The following CACNA1C variants were observed in gnomAD, a reference collection of about 807,000 sequenced individuals.
The protein encoded by CACNA1C is voltage-dependent L-type calcium channel subunit alpha-1C.
A neutral mutation model predicts 229.0 loss-of-function variants in CACNA1C; 30 were observed. The ratio of observed to expected loss-of-function variants is 0.13; its 90% CI spans 0.10 to 0.18. The LOEUF (loss-of-function observed/expected upper bound fraction) is 0.18, where lower values mean the gene tolerates loss of function less well. CACNA1C is among the 10% of genes least tolerant of loss of function. The pLI is 1.00. For missense variants in CACNA1C, 1,658 were observed against 2,845.0 expected (o/e 0.58, Z 9.49); for synonymous variants, 1,114 against 1,132.5 (o/e 0.98, Z 0.33).
chr12:2,121,460 T>A (rs2086684533), intron 3 of CACNA1C, among the ~76,000 whole-genome samples: 1 of 152,258 alleles, frequency 6.6e-6, no homozygotes, highest in African/African-American at 2.4e-5. Context: ...TTTTAACTTC[T>A]CAGCTGTCGC....
At position 2,437,183 on chromosome 12, in the gene CACNA1C, A is replaced by G. The variant is rs548512904; in HGVS notation, c.478-11793A>G. On this transcript the variant is annotated intron_variant, in intron 3 of 46. Coordinates refer to ENST00000399655, the MANE Select transcript of CACNA1C (RefSeq NM_000719.7). ...GCTGGGTTACACCAGTGGTGGGTTCATAGCCAGTGGTGCTCCTCATAAGGT... is the reference window on the plus strand; with the variant it reads ...GCTGGGTTACACCAGTGGTGGGTTCGTAGCCAGTGGTGCTCCTCATAAGGT... 1.4e-3 allele frequency among the ~76,000 whole-genome samples: 208 copies of G among 152,366 alleles called. 2 individuals are homozygous for G. Among genetic ancestry groups the G allele is most frequent in the African/African-American group, 4.8e-3 (199 of 41,592 alleles).
At chr12:2,673,598 T>C (rs561755520) in intron 38 of CACNA1C, among the ~76,000 whole-genome samples, 1 of 152,176 alleles carries the variant, frequency 6.6e-6, no homozygotes, top group Admixed American at 6.5e-5. Flanking sequence ...TTCTGGAGGC[T>C]CTGGGGGAGA....
chr12:2,187,194 T>C (rs1010254406), intron 3 of CACNA1C, among the ~76,000 whole-genome samples: 10 of 152,198 alleles, frequency 6.6e-5, no homozygotes, highest in African/African-American at 2.2e-4. Flanking sequence ...ATTTTCTGTC[T>C]TATGGTTGGG....
intron 3 of CACNA1C, among the ~76,000 whole-genome samples, chr12:2,294,720 A>G (rs1244517580): frequency 6.6e-6 from 1 of 152,160 alleles, no homozygotes. Flanking sequence ...AATATGTAAC[A>G]TGTCGCCTCA....
At chr12:2,619,497 T>G (rs1407131820) in intron 29 of CACNA1C, among the ~76,000 whole-genome samples, 2 of 152,260 alleles carry the variant, frequency 1.3e-5, no homozygotes, top group African/African-American at 4.8e-5. Flanking sequence ...CCCTTCAGTC[T>G]GATTTCTGTC....
rs374008647 is a variant in CACNA1C, at chr12:2,067,246, G to T, written c.49+13635G>T. ...ATGCATCGTTTTAGTGGGAGTCAGG[G>T]AGTCTGAATCCCCCAGCCTGCCTCC... is the stretch of plus-strand genomic sequence containing the variant. On this transcript the variant is annotated intron_variant, in intron 1 of 46. Coordinates refer to ENST00000399655, the MANE Select transcript of CACNA1C (RefSeq NM_000719.7). The surrounding 1 kb of genome is among the most constrained non-coding windows in gnomAD (Gnocchi z 5.3). 3.2e-3 allele frequency among the ~76,000 whole-genome samples: 487 copies of T among 152,220 alleles called. 4 individuals are homozygous for T. The highest frequency in any genetic ancestry group is 0.011 in the African/African-American group (469 of 41,518).
intron 3 of CACNA1C, among the ~76,000 whole-genome samples, chr12:2,421,472 G>A (rs2098978643): frequency 6.6e-6 from 1 of 152,202 alleles, no homozygotes; most frequent in South Asian, 2.1e-4. Context: ...AGTTATCTGA[G>A]AGGAACATCC....
Position 2,487,900 on chromosome 12 carries a change from T to C in CACNA1C, c.916+1638T>C, listed in dbSNP as rs74053455. On this transcript the variant is annotated intron_variant, in intron 6 of 46. Transcript: ENST00000399655. ...AATTGTGTGGCCCTGTGAGAGCTCA[T>C]TTTAAGACTCCTTAAAAACTGACTG... is the stretch of plus-strand genomic sequence containing the variant. 7.6e-3 allele frequency among the ~76,000 whole-genome samples: 1,162 copies of C among 152,288 alleles called. 11 individuals are homozygous for C. Among genetic ancestry groups the C allele is most frequent in the African/African-American group, 0.025 (1,054 of 41,526 alleles).
intron 1 of CACNA1C, among the ~76,000 whole-genome samples, chr12:2,084,627 C>T (rs1358114419): frequency 6.6e-6 from 1 of 152,180 alleles, no homozygotes; most frequent in Non-Finnish European, 1.5e-5. Context: ...GGACACAGGG[C>T]TTCAGCTGTG....
At chr12:2,533,685 G>GCTA (rs2099846321) in intron 9 of CACNA1C, among the ~76,000 whole-genome samples, 1 of 152,162 alleles carries the variant, frequency 6.6e-6, no homozygotes, top group African/African-American at 2.4e-5. Flanking sequence ...CTGCCAGGTG[G>GCTA]GGCTAGGGCA....
At chr12:2,491,616 A>AG (rs2099734635) in intron 6 of CACNA1C, among the ~76,000 whole-genome samples, 1 of 150,906 alleles carries the variant, frequency 6.6e-6, no homozygotes, top group African/African-American at 2.4e-5. Context: ...TGGGAGAGAA[A>AG]GAGAGGAGAG....
chr12:2,365,146 G>A (rs993816003), intron 3 of CACNA1C, among the ~76,000 whole-genome samples: 2 of 152,246 alleles, frequency 1.3e-5, no homozygotes, highest in African/African-American at 4.8e-5. Context: ...AGTGATCTCT[G>A]TGAAATTATG....
At chr12:2,292,525 C>T (rs1290059953) in intron 3 of CACNA1C, among the ~76,000 whole-genome samples, 1 of 152,180 alleles carries the variant, frequency 6.6e-6, no homozygotes, top group African/African-American at 2.4e-5. Flanking sequence ...CGTTTGAAAC[C>T]TCCAGGACTT....
intron 3 of CACNA1C, among the ~76,000 whole-genome samples, chr12:2,439,848 A>G (rs1363609344): frequency 6.6e-6 from 1 of 152,082 alleles, no homozygotes; most frequent in African/African-American, 2.4e-5. Context: ...CTGTTAGGCT[A>G]TTAGTGGTTT....
intron 3 of CACNA1C, among the ~76,000 whole-genome samples, chr12:2,227,909 AC>A (rs996205057): frequency 4.6e-5 from 7 of 152,156 alleles, no homozygotes; most frequent in Non-Finnish European, 8.8e-5. Flanking sequence ...ATTTTTAAAC[AC>A]CTGACTTTAA....
At chr12:2,306,782 GA>G (rs1453461288) in intron 3 of CACNA1C, among the ~76,000 whole-genome samples, 4 of 152,204 alleles carry the variant, frequency 2.6e-5, no homozygotes, top group Non-Finnish European at 4.4e-5. Flanking sequence ...CAGGATCTTT[GA>G]TATGCAAATG....
At chr12:2,663,735 C>CTTTTTTT (rs55933898) in intron 34 of CACNA1C, among the ~76,000 whole-genome samples, 7 of 103,852 alleles carry the variant, frequency 6.7e-5, no homozygotes, top group African/African-American at 2.0e-4. Flanking sequence ...AATAGAGTAT[C>CTTTTTTT]TTTTTTTTTT....
At position 2,126,463 on chromosome 12, in the gene CACNA1C, C is replaced by G. The variant is rs544325302; in HGVS notation, c.477+6033C>G. The stretch of plus-strand genomic sequence containing the variant: ...CATTGTGTGTGGAAAACTTCCTGTC[C>G]TCTGCATACCCTGAAGCCCACGAAG... On this transcript the variant is annotated intron_variant, in intron 3 of 46. Transcript: ENST00000399655. 2.0e-4 allele frequency among the ~76,000 whole-genome samples: 30 copies of G among 152,338 alleles called. No homozygotes were observed. The South Asian group carries it at 6.2e-3, about 32-fold the overall frequency.
At position 2,056,089 on chromosome 12, in the gene CACNA1C, C is replaced by T. The variant is rs142975049; in HGVS notation, c.49+2478C>T. Among the ~76,000 whole-genome samples, 524 of 152,128 alleles carry T rather than the reference C, an allele frequency of 3.4e-3. 1 individual carries two copies. Among genetic ancestry groups the T allele is most frequent in the African/African-American group, 0.012 (494 of 41,494 alleles). On this transcript the variant is annotated intron_variant, in intron 1 of 46. Coordinates refer to ENST00000399655, the MANE Select transcript of CACNA1C (RefSeq NM_000719.7). ...CGAGAACCAAAAAAGTTGTCAGTGG[C>T]GGGGGCTGTGCATTCCTCTCTTCCC...
Sources: gnomAD v4.1 joint callset for allele counts (sites outside exome capture counted in the v4.1 genomes callset) on GRCh38, gnomAD v4.1.1 for gene constraint, Gnocchi (gnomAD v3.1) non-coding constraint, MANE v1.5 for transcripts, NCBI Gene and HGNC (gene_info 2026-07-23, HGNC 2026-07-21) for gene names.